Variants in ENTREP2 observed in about 807,000 individuals in gnomAD.
ENTREP2 encodes endosomal transmembrane epsin interactor 2.
chr15:29,142,707 A>T, the ENTREP2 span, among the ~76,000 whole-genome samples: 6 of 152,212 alleles, frequency 3.9e-5, no homozygotes, highest in Non-Finnish European at 7.3e-5. Flanking sequence ...GCAGACAGCT[A>T]CCTAAATGAC....
At chr15:29,654,446 A>C in the ENTREP2 span, among the ~76,000 whole-genome samples, 1 of 152,164 alleles carries the variant, frequency 6.6e-6, no homozygotes, top group Non-Finnish European at 1.5e-5. Context: ...GCTTTGACAG[A>C]AAGATTTCAT....
chr15:29,552,833 ACC>A, the ENTREP2 span, among the ~76,000 whole-genome samples: 8 of 152,284 alleles, frequency 5.3e-5, no homozygotes, highest in East Asian at 1.5e-3. Flanking sequence ...AACAAGCAAA[ACC>A]ATTGAGAAAA....
At chr15:29,388,970 G>A in the ENTREP2 span, among the ~76,000 whole-genome samples, 1 of 124,906 alleles carries the variant, frequency 8.0e-6, no homozygotes, top group African/African-American at 3.0e-5. Context: ...GTTGTGGGGT[G>A]GGGGGAGGGG....
chr15:29,550,447 T>C, the ENTREP2 span, among the ~76,000 whole-genome samples: 63 of 152,314 alleles, frequency 4.1e-4, no homozygotes, highest in African/African-American at 1.4e-3. Context: ...TTTAACTCAC[T>C]TAGGAAAGGA....
the ENTREP2 span, among the ~76,000 whole-genome samples, chr15:29,423,359 G>C: frequency 6.6e-6 from 1 of 151,940 alleles, no homozygotes; most frequent in Non-Finnish European, 1.5e-5. Context: ...CATATAAATA[G>C]TACACCCTAA....
chr15:29,224,146 G>C, the ENTREP2 span, among the ~76,000 whole-genome samples: 1 of 152,220 alleles, frequency 6.6e-6, no homozygotes, highest in African/African-American at 2.4e-5. Context: ...TGGGTTCGTG[G>C]TCTCGCTGGC....
At chr15:29,335,868 G>A in the ENTREP2 span, among the ~76,000 whole-genome samples, 2 of 152,012 alleles carry the variant, frequency 1.3e-5, no homozygotes, top group East Asian at 3.9e-4. Context: ...GGGGCTGGAC[G>A]CAGTGGCTCA....
At chr15:29,126,121 T>TCAGG in the ENTREP2 span, 1 of 663,234 alleles carries the variant, frequency 1.5e-6, no homozygotes. Context: ...CACCCCTGGC[T>TCAGG]CAGGGGCCAT....
chr15:29,291,183 A>C, the ENTREP2 span, among the ~76,000 whole-genome samples: 3 of 152,204 alleles, frequency 2.0e-5, no homozygotes, highest in African/African-American at 4.8e-5. Flanking sequence ...AGAGCTATCC[A>C]GTCCATACTA....
At chr15:29,264,741 A>G in the ENTREP2 span, among the ~76,000 whole-genome samples, 2 of 152,188 alleles carry the variant, frequency 1.3e-5, no homozygotes, top group African/African-American at 2.4e-5. Flanking sequence ...ATTATTTTGC[A>G]CTGGGCTTGC....
the ENTREP2 span, among the ~76,000 whole-genome samples, chr15:29,650,100 T>C: frequency 1.3e-5 from 2 of 152,196 alleles, no homozygotes; most frequent in South Asian, 2.1e-4. Flanking sequence ...AGATTATGCA[T>C]ATGCGCTAAA....
At chr15:29,577,313 GGTGTGTGTGTGT>G in the ENTREP2 span, among the ~76,000 whole-genome samples, 33 of 139,906 alleles carry the variant, frequency 2.4e-4, no homozygotes, top group South Asian at 1.9e-3. Context: ...GACTCAAAGA[GGTGTGTGTGTGT>G]GTGTGTGTGT....
chr15:29,638,547 T>C, the ENTREP2 span, among the ~76,000 whole-genome samples: 2 of 152,150 alleles, frequency 1.3e-5, no homozygotes, highest in African/African-American at 4.8e-5. Flanking sequence ...TTTTAAAAAG[T>C]TTTAGTGAGA....
the ENTREP2 span, among the ~76,000 whole-genome samples, chr15:29,423,996 T>C: frequency 6.6e-6 from 1 of 152,202 alleles, no homozygotes; most frequent in African/African-American, 2.4e-5. Flanking sequence ...ACTTCAGGAA[T>C]GAAGGCGTGG....
chr15:29,609,119 T>G, the ENTREP2 span, among the ~76,000 whole-genome samples: 1 of 150,254 alleles, frequency 6.7e-6, no homozygotes, highest in African/African-American at 2.4e-5. Flanking sequence ...TGGGAATAAT[T>G]TGTCACCTAG....
the ENTREP2 span, among the ~76,000 whole-genome samples, chr15:29,339,891 C>T: frequency 2.3e-4 from 35 of 152,380 alleles, no homozygotes; most frequent in African/African-American, 2.6e-4. Flanking sequence ...CTGATGTTAT[C>T]GGCCATGGCC....
the ENTREP2 span, among the ~76,000 whole-genome samples, chr15:29,402,057 T>C: frequency 1.3e-5 from 2 of 152,124 alleles, no homozygotes; most frequent in Non-Finnish European, 1.5e-5. Context: ...CTTTAATCCA[T>C]GCATGTATTA....
the ENTREP2 span, among the ~76,000 whole-genome samples, chr15:29,576,794 T>C: frequency 6.6e-6 from 1 of 152,156 alleles, no homozygotes; most frequent in Non-Finnish European, 1.5e-5. Flanking sequence ...TCAGGATAGC[T>C]ATATTATTAA....
the ENTREP2 span, among the ~76,000 whole-genome samples, chr15:29,583,260 C>T: frequency 6.6e-6 from 1 of 151,990 alleles, no homozygotes; most frequent in South Asian, 2.1e-4. Flanking sequence ...CACAGATAGA[C>T]TGAATAAAGA....
Sources: gnomAD v4.1 joint callset for allele counts (sites outside exome capture counted in the v4.1 genomes callset) on GRCh38, gnomAD v4.1.1 for gene constraint, MANE v1.5 for transcripts, NCBI Gene and HGNC (gene_info 2026-07-23, HGNC 2026-07-21) for gene names.